The following CA10 variants were observed in gnomAD, a reference collection of about 807,000 sequenced individuals.
CA10 encodes the protein carbonic anhydrase 10 (inactive).
Under a neutral mutation model 44.2 loss-of-function variants are expected in CA10, and 14 were observed. The observed-to-expected ratio is 0.32, with a 90% confidence interval of 0.21 to 0.50. CA10 has a LOEUF of 0.50. CA10 is among the 20% of genes least tolerant of loss of function. CA10 has a pLI of 0.99. For missense variants in CA10, 350 were observed against 409.7 expected (o/e 0.85, Z 1.26); for synonymous variants, 159 against 141.6 (o/e 1.12, Z -0.87).
intron 4 of CA10, among the ~76,000 whole-genome samples, chr17:51,675,110 AAG>A (rs1914571649): frequency 6.6e-6 from 1 of 152,218 alleles, no homozygotes; most frequent in Non-Finnish European, 1.5e-5. Flanking sequence ...GGAGGTAAGA[AAG>A]CGTAGTTTTG....
intron 3 of CA10, chr17:51,761,817 CA>C: frequency 6.6e-6 from 1 of 152,278 alleles, no homozygotes; most frequent in Non-Finnish European, 1.5e-5. Context: ...CATCCACAAC[CA>C]AAATCCAAAC....
At chr17:51,665,366 G>A (rs541300957) in intron 4 of CA10, among the ~76,000 whole-genome samples, 194 of 152,282 alleles carry the variant, frequency 1.3e-3, no homozygotes, top group African/African-American at 4.3e-3. Context: ...CATTCAGTAG[G>A]TAGGTGTGCT....
intron 3 of CA10, among the ~76,000 whole-genome samples, chr17:51,809,783 A>G (rs535233790): frequency 6.6e-6 from 1 of 152,296 alleles, no homozygotes; most frequent in Non-Finnish European, 1.5e-5. Flanking sequence ...TGGGGTGCAG[A>G]AGGGAAGGAT....
At chr17:51,794,883 A>G (rs1906649370) in intron 3 of CA10, among the ~76,000 whole-genome samples, 1 of 152,194 alleles carries the variant, frequency 6.6e-6, no homozygotes, top group African/African-American at 2.4e-5. Flanking sequence ...CTCACTTTAA[A>G]TAGGGTTTAT....
chr17:51,917,548 G>A (rs1283317279), intron 3 of CA10, among the ~76,000 whole-genome samples: 1 of 152,198 alleles, frequency 6.6e-6, no homozygotes, highest in African/African-American at 2.4e-5. Context: ...GCATGGCACT[G>A]GCATCTGCTT....
At chr17:51,717,134 C>G (rs1916138147) in intron 4 of CA10, among the ~76,000 whole-genome samples, 1 of 152,044 alleles carries the variant, frequency 6.6e-6, no homozygotes, top group Non-Finnish European at 1.5e-5. Flanking sequence ...TTTTTTTGTT[C>G]TAATGCTTGG....
intron 1 of CA10, among the ~76,000 whole-genome samples, chr17:52,113,725 A>G (rs540152830): frequency 5.3e-5 from 8 of 152,252 alleles, no homozygotes; most frequent in Non-Finnish European, 1.2e-4. Context: ...CTCTTACTGA[A>G]GGAAGATAAA....
intron 4 of CA10, among the ~76,000 whole-genome samples, chr17:51,742,678 A>G (rs1192873619): frequency 6.6e-6 from 1 of 152,224 alleles, no homozygotes; most frequent in African/African-American, 2.4e-5. Context: ...AGAAAGCCCC[A>G]TATTTTACAT....
chr17:51,839,160 C>T (rs1013411277), intron 3 of CA10, among the ~76,000 whole-genome samples: 3 of 152,142 alleles, frequency 2.0e-5, no homozygotes, highest in Non-Finnish European at 4.4e-5. Flanking sequence ...TGAACATATC[C>T]AGTGCTTCCC....
At chr17:51,698,255 GT>G (rs1915469440) in intron 4 of CA10, among the ~76,000 whole-genome samples, 1 of 152,146 alleles carries the variant, frequency 6.6e-6, no homozygotes, top group African/African-American at 2.4e-5. Context: ...CTCACCTTCC[GT>G]CTGGCTGGCT....
intron 3 of CA10, among the ~76,000 whole-genome samples, chr17:51,791,255 A>C (rs1357235571): frequency 6.6e-6 from 1 of 152,252 alleles, no homozygotes; most frequent in Non-Finnish European, 1.5e-5. Context: ...CTATTGTACC[A>C]GTTTAATATT....
chr17:52,003,454 T>C (rs1200836227), intron 2 of CA10, among the ~76,000 whole-genome samples: 7 of 152,014 alleles, frequency 4.6e-5, no homozygotes, highest in African/African-American at 1.7e-4. Flanking sequence ...AGGCAGGGGC[T>C]GTGCTCACTG....
At chr17:51,769,090 T>C (rs1173883141) in intron 3 of CA10, among the ~76,000 whole-genome samples, 1 of 152,242 alleles carries the variant, frequency 6.6e-6, no homozygotes, top group Non-Finnish European at 1.5e-5. Flanking sequence ...CATCTGTTCT[T>C]GCCATTTGTT....
intron 3 of CA10, among the ~76,000 whole-genome samples, chr17:51,919,156 GATAT>G (rs1027501635): frequency 2.0e-5 from 3 of 151,390 alleles, no homozygotes; most frequent in African/African-American, 7.2e-5. Flanking sequence ...TGAGGTAGTA[GATAT>G]ATTATTATTT....
intron 1 of CA10, among the ~76,000 whole-genome samples, chr17:52,102,545 G>A (rs529459430): frequency 6.6e-6 from 1 of 152,164 alleles, no homozygotes; most frequent in Non-Finnish European, 1.5e-5. Context: ...ATCAAAAGCT[G>A]CCATCTAACA....
intron 2 of CA10, among the ~76,000 whole-genome samples, chr17:51,976,414 G>A (rs1303510641): frequency 6.6e-6 from 1 of 151,980 alleles, no homozygotes; most frequent in Admixed American, 6.6e-5. Flanking sequence ...GCATTCTCTG[G>A]CCAAACTGTC....
chr17:51,978,771 C>T (rs1478789001), intron 2 of CA10, among the ~76,000 whole-genome samples: 3 of 151,972 alleles, frequency 2.0e-5, no homozygotes, highest in Non-Finnish European at 4.4e-5. Flanking sequence ...TGCCTGAATG[C>T]CAGCACCCAC....
intron 3 of CA10, among the ~76,000 whole-genome samples, chr17:51,771,308 A>G (rs1234609122): frequency 1.3e-5 from 2 of 152,056 alleles, no homozygotes; most frequent in Non-Finnish European, 2.9e-5. Flanking sequence ...TATCCAAACT[A>G]TATCACTAAT....
In CA10 at chr17:52,138,137, T is replaced by G. The variant is rs962426495; in HGVS notation, c.61+19589A>C. On this transcript the variant is annotated intron_variant, in intron 1 of 8. Coordinates refer to ENST00000451037, the MANE Select transcript of CA10 (RefSeq NM_020178.5). ...GGCTCCAGGGAAGAATTAATTTCCT[T>G]GTCTTTTCCAGCTACTGGGGATCTT... 5.3e-5 allele frequency among the ~76,000 whole-genome samples: 8 copies of G among 152,112 alleles called. No homozygotes were observed. In the East Asian group the frequency reaches 1.5e-3, roughly 29 times the overall value.
Sources: gnomAD v4.1 joint callset for allele counts (sites outside exome capture counted in the v4.1 genomes callset) on GRCh38, gnomAD v4.1.1 for gene constraint, MANE v1.5 for transcripts, NCBI Gene and HGNC (gene_info 2026-07-23, HGNC 2026-07-21) for gene names.